The following SDK1 variants were observed in gnomAD, a reference collection of about 807,000 sequenced individuals.
SDK1 encodes protein sidekick-1.
A neutral mutation model predicts 245.5 loss-of-function variants in SDK1; 157 were observed. The ratio of observed to expected loss-of-function variants is 0.64; its 90% CI spans 0.56 to 0.73. The LOEUF (loss-of-function observed/expected upper bound fraction) is 0.73. Ranked by LOEUF, SDK1 falls within the 30% of genes least tolerant of loss-of-function variation. SDK1 has a pLI of 0.00. For synonymous variants in SDK1, 1,647 were observed against 1,278.5 expected (o/e 1.29, Z -6.15); for missense variants, 3,583 against 3,002.3 (o/e 1.19, Z -4.52).
intron 1 of SDK1, among the ~76,000 whole-genome samples, chr7:3,576,312 G>A (rs1324137546): frequency 6.6e-6 from 1 of 152,160 alleles, no homozygotes; most frequent in Non-Finnish European, 1.5e-5. Flanking sequence ...CCAGGTGAAA[G>A]CTTCTGGAGT....
chr7:3,465,900 C>T (rs570223636), intron 1 of SDK1, among the ~76,000 whole-genome samples: 15 of 152,272 alleles, frequency 9.9e-5, no homozygotes, highest in East Asian at 1.9e-4. Context: ...ACACCTAAGG[C>T]GTTCACACAT....
At chr7:4,139,539 A>G (rs200859070) in intron 28 of SDK1, among the ~76,000 whole-genome samples, 4 of 50,918 alleles carry the variant, frequency 7.9e-5, no homozygotes, top group African/African-American at 1.2e-4. Flanking sequence ...GTGTGTGTAT[A>G]TATGTGTGTG....
intron 1 of SDK1, among the ~76,000 whole-genome samples, chr7:3,604,109 A>G (rs1017557145): frequency 6.6e-6 from 1 of 152,158 alleles, no homozygotes; most frequent in African/African-American, 2.4e-5. Flanking sequence ...GGATTTTTGC[A>G]TCGATGTTCA....
chr7:3,995,781 A>G (rs1379722638), intron 14 of SDK1, among the ~76,000 whole-genome samples: 3 of 145,568 alleles, frequency 2.1e-5, no homozygotes, highest in African/African-American at 7.6e-5. Context: ...TGATCTGTTC[A>G]TTTTCTTTGC....
chr7:4,158,548 G>C lies in SDK1; in HGVS notation c.4726G>C (p.Asp1576His), dbSNP rs772181039. The C allele has an allele frequency of 6.2e-7, 1 of 1,611,468 alleles. No individual in the cohort carries two copies. Among genetic ancestry groups the C allele is most frequent in the South Asian group, 1.1e-5 (1 of 91,036 alleles). Residue 1576 changes from aspartate to histidine, a missense_variant, in exon 31 of 45, where the codon GAT (aspartate) becomes CAT (histidine). Asp to His is a moderately conservative substitution (Grantham distance 81). Coordinates refer to ENST00000404826, the MANE Select transcript of SDK1 (RefSeq NM_152744.4). ...SETEAVTTLQ[D>H]VPGEPPGSVS... is the part of the protein sequence containing the mutation. ...GACAGAGGCGGTGACCACGCTGCAG[G>C]ATGGTGAGCAACCCGGGGCCCAGAC...
chr7:4,110,563 C>A, intron 22 of SDK1, 100 bp from the exon 23 acceptor site: 1 of 830,104 alleles, frequency 1.2e-6, no homozygotes, highest in Non-Finnish European at 2.0e-6. Flanking sequence ...GCCTTGCAGC[C>A]CTGCCCAGCT....
chr7:3,842,051 T>C (rs1462946584), intron 5 of SDK1, among the ~76,000 whole-genome samples: 1 of 152,208 alleles, frequency 6.6e-6, no homozygotes, highest in Non-Finnish European at 1.5e-5. Flanking sequence ...TTTAACCAGC[T>C]GGCAGGAAAC....
intron 4 of SDK1, among the ~76,000 whole-genome samples, chr7:3,669,800 T>C (rs1475407032): frequency 1.3e-5 from 2 of 152,194 alleles, no homozygotes; most frequent in Non-Finnish European, 2.9e-5. Context: ...AGCCTATTCA[T>C]TGTATTTTCC....
In SDK1 at chr7:3,960,701, C is replaced by G. The variant is rs562851205; in HGVS notation, c.1234+1687C>G. Among the ~76,000 whole-genome samples the G allele has an allele frequency of 1.4e-4, 22 of 152,294 alleles. No individual in the cohort carries two copies. The South Asian group carries it at 3.7e-3, about 26-fold the overall frequency. On this transcript the variant is annotated intron_variant, in intron 8 of 44. Transcript: ENST00000404826. Reference sequence around the variant, plus strand: ...AGCGGCTGCTGTCCACGGCTCTGTTCTGTTTCTGTTCTTCTCTGTTCCAGC... The same window carrying G: ...AGCGGCTGCTGTCCACGGCTCTGTTGTGTTTCTGTTCTTCTCTGTTCCAGC...
chr7:4,149,713 C>T (rs1780227033), intron 30 of SDK1, among the ~76,000 whole-genome samples: 2 of 152,128 alleles, frequency 1.3e-5, no homozygotes, highest in South Asian at 2.1e-4. Context: ...GGTTTGGTCA[C>T]CCCAGGACCC....
chr7:3,778,412 C>T (rs1014345749), intron 4 of SDK1, among the ~76,000 whole-genome samples: 8 of 152,166 alleles, frequency 5.3e-5, no homozygotes, highest in African/African-American at 7.2e-5. Flanking sequence ...CCTTGAGAAA[C>T]GCTATTTCCC....
chr7:3,682,004 G>A (rs1401328988), intron 4 of SDK1, among the ~76,000 whole-genome samples: 1 of 152,198 alleles, frequency 6.6e-6, no homozygotes, highest in Non-Finnish European at 1.5e-5. Context: ...GTTCTGCAGT[G>A]AAAAGTAAAT....
chr7:3,813,337 C>T (rs929894707), intron 4 of SDK1, among the ~76,000 whole-genome samples: 3 of 147,126 alleles, frequency 2.0e-5, no homozygotes, highest in Non-Finnish European at 4.5e-5. Flanking sequence ...GTTCATTTCC[C>T]ACCTATGAGT....
intron 5 of SDK1, among the ~76,000 whole-genome samples, chr7:3,922,524 G>T (rs550315697): frequency 1.3e-5 from 2 of 152,352 alleles, no homozygotes; most frequent in South Asian, 4.1e-4. Flanking sequence ...GCCAGTGACT[G>T]ACATCTTTAG....
chr7:3,957,583 A>G (rs543240970), intron 7 of SDK1, among the ~76,000 whole-genome samples: 2 of 152,318 alleles, frequency 1.3e-5, no homozygotes, highest in East Asian at 3.9e-4. Flanking sequence ...TTTTAATCAG[A>G]TCATGACGGT....
At chr7:3,937,122 G>A (rs1053342952) in intron 5 of SDK1, among the ~76,000 whole-genome samples, 2 of 152,118 alleles carry the variant, frequency 1.3e-5, no homozygotes, top group African/African-American at 2.4e-5. Flanking sequence ...AGACTGCACC[G>A]AGATCTGGAG....
intron 25 of SDK1, among the ~76,000 whole-genome samples, chr7:4,120,776 C>T (rs934676643): frequency 6.6e-6 from 1 of 151,994 alleles, no homozygotes; most frequent in Non-Finnish European, 1.5e-5. Flanking sequence ...ACCACCATGA[C>T]CAGCTAATTT....
At chr7:3,851,021 G>T (rs576473008) in intron 5 of SDK1, among the ~76,000 whole-genome samples, 1 of 151,986 alleles carries the variant, frequency 6.6e-6, no homozygotes, top group African/African-American at 2.4e-5. Flanking sequence ...AAAAAAAGAA[G>T]ACACCTTTTA....
intron 4 of SDK1, among the ~76,000 whole-genome samples, chr7:3,762,958 C>T (rs1041553267): frequency 1.3e-5 from 2 of 152,094 alleles, no homozygotes; most frequent in African/African-American, 4.8e-5. Flanking sequence ...CTGGTTCTTT[C>T]CCTCTTAAGC....
Sources: gnomAD v4.1 joint callset for allele counts (sites outside exome capture counted in the v4.1 genomes callset) on GRCh38, gnomAD v4.1.1 for gene constraint, MANE v1.5 for transcripts, NCBI Gene and HGNC (gene_info 2026-07-23, HGNC 2026-07-21) for gene names.